Variants in FSTL5 observed in about 807,000 individuals in gnomAD.
FSTL5 encodes follistatin like 5, also known as follistatin-related protein 5.
FSTL5 carries 62 observed loss-of-function variants against 89.1 expected under a neutral mutation model. That is an observed-to-expected ratio of 0.70 (90% CI 0.57 to 0.86). The LOEUF (loss-of-function observed/expected upper bound fraction) is 0.86, where lower values mean the gene tolerates loss of function less well. FSTL5 is among the 40% of genes least tolerant of loss of function. FSTL5 has a pLI of 0.00. For missense variants in FSTL5, 1,057 were observed against 1,001.6 expected (o/e 1.06, Z -0.75); for synonymous variants, 383 against 346.2 (o/e 1.11, Z -1.18).
intron 15 of FSTL5, among the ~76,000 whole-genome samples, chr4:161,433,175 C>A (rs940418523): frequency 6.7e-6 from 1 of 149,994 alleles, no homozygotes; most frequent in Non-Finnish European, 1.5e-5. Flanking sequence ...TAAAAATCCT[C>A]AATGAAATAT....
intron 2 of FSTL5, among the ~76,000 whole-genome samples, chr4:162,064,471 T>C (rs1409094658): frequency 6.6e-6 from 1 of 152,032 alleles, no homozygotes; most frequent in Admixed American, 6.6e-5. Context: ...ATCCAAATAA[T>C]TGAAGACATG....
chr4:161,909,201 A>G (rs1359181916), intron 4 of FSTL5, among the ~76,000 whole-genome samples: 2 of 152,140 alleles, frequency 1.3e-5, no homozygotes, highest in Admixed American at 1.3e-4. Flanking sequence ...TGGTCCATAC[A>G]TAAGCTGAGG....
At chr4:162,144,221 G>A (rs995417885) in intron 1 of FSTL5, among the ~76,000 whole-genome samples, 2 of 152,122 alleles carry the variant, frequency 1.3e-5, no homozygotes, top group Admixed American at 6.6e-5. Flanking sequence ...TTTCAAGCAT[G>A]TACGCAAGGA....
At chr4:162,015,314 T>G (rs770598200) in intron 3 of FSTL5, among the ~76,000 whole-genome samples, 1 of 152,210 alleles carries the variant, frequency 6.6e-6, no homozygotes, top group Non-Finnish European at 1.5e-5. Context: ...TAGTTTTGCT[T>G]ATCATTCCAG....
rs188044559 is a variant in FSTL5 at position 162,083,480 on chromosome 4, C to T, written c.126+27791G>A. Among the ~76,000 whole-genome samples the T allele has an allele frequency of 7.6e-4, 115 of 151,414 alleles. 2 individuals are homozygous for T. The East Asian group carries it at 0.017, about 23-fold the overall frequency. On this transcript the variant is annotated intron_variant, in intron 2 of 15. Transcript: ENST00000306100. The stretch of plus-strand genomic sequence containing the variant: ...CAGAGTTTAGGGTTAGATAAATATA[C>T]GTTTTTCATTAAAAAAGTTTTTGCA...
At chr4:161,977,639 A>AAAAAAATAAT (rs1553988132) in intron 3 of FSTL5, among the ~76,000 whole-genome samples, 2 of 101,236 alleles carry the variant, frequency 2.0e-5, no homozygotes, top group Non-Finnish European at 3.8e-5. Context: ...AAAAAAAAAA[A>AAAAAAATAAT]AATAATAATA....
At chr4:162,077,838 T>G (rs112086374) in intron 2 of FSTL5, among the ~76,000 whole-genome samples, 5 of 151,756 alleles carry the variant, frequency 3.3e-5, no homozygotes, top group African/African-American at 1.2e-4. Flanking sequence ...ATACTGAGAG[T>G]TCTAAAGTTT....
At chr4:161,636,388 T>A (rs527422340) in intron 7 of FSTL5, among the ~76,000 whole-genome samples, 1 of 151,600 alleles carries the variant, frequency 6.6e-6, no homozygotes, top group African/African-American at 2.4e-5. Flanking sequence ...ACATTATCCA[T>A]AATCTCTTGC....
chr4:161,513,948 T>C (rs1217231854), intron 10 of FSTL5, among the ~76,000 whole-genome samples: 1 of 152,094 alleles, frequency 6.6e-6, no homozygotes, highest in East Asian at 1.9e-4. Flanking sequence ...CATTTACCTA[T>C]GTAACAAATC....
At chr4:161,986,500 C>T (rs1267915591) in intron 3 of FSTL5, among the ~76,000 whole-genome samples, 1 of 152,008 alleles carries the variant, frequency 6.6e-6, no homozygotes, top group Admixed American at 6.6e-5. Context: ...TGCAGTGAGC[C>T]GAGATTGTGC....
chr4:161,525,680 C>T (rs1329666251), intron 10 of FSTL5, among the ~76,000 whole-genome samples: 4 of 152,126 alleles, frequency 2.6e-5, no homozygotes, highest in Non-Finnish European at 5.9e-5. Flanking sequence ...ACATTGCTGG[C>T]TCTCAAGGCA....
At chr4:161,945,141 G>A (rs897873196) in intron 3 of FSTL5, among the ~76,000 whole-genome samples, 1 of 151,992 alleles carries the variant, frequency 6.6e-6, no homozygotes, top group Non-Finnish European at 1.5e-5. Flanking sequence ...TATTTGCACT[G>A]GCTATCAGCC....
chr4:161,800,373 C>A (rs1452021268), intron 4 of FSTL5, among the ~76,000 whole-genome samples: 1 of 151,816 alleles, frequency 6.6e-6, no homozygotes, highest in East Asian at 1.9e-4. Flanking sequence ...ACTACAGCAA[C>A]TGTCACTGTC....
intron 4 of FSTL5, among the ~76,000 whole-genome samples, chr4:161,899,934 C>CGGGTT (rs1733297652): frequency 6.6e-6 from 1 of 152,150 alleles, no homozygotes; most frequent in Non-Finnish European, 1.5e-5. Context: ...GTGGCTCACT[C>CGGGTT]CTGTAATACC....
chr4:162,027,287 T>C (rs976907138), intron 3 of FSTL5, among the ~76,000 whole-genome samples: 1 of 152,128 alleles, frequency 6.6e-6, no homozygotes, highest in Non-Finnish European at 1.5e-5. Flanking sequence ...CATTGAGATC[T>C]ATACTACTTG....
chr4:161,965,194 A>C (rs927499183), intron 3 of FSTL5, among the ~76,000 whole-genome samples: 1 of 152,186 alleles, frequency 6.6e-6, no homozygotes. Context: ...TTCAATATCC[A>C]TGACCTGTTT....
At chr4:161,484,046 C>A (rs1025549524) in intron 12 of FSTL5, among the ~76,000 whole-genome samples, 48 of 152,046 alleles carry the variant, frequency 3.2e-4, no homozygotes, top group African/African-American at 1.1e-3. Flanking sequence ...AGTTATATCA[C>A]TACTGATGGT....
At chr4:161,402,416 T>C (rs573867127) in intron 15 of FSTL5, among the ~76,000 whole-genome samples, 1 of 152,278 alleles carries the variant, frequency 6.6e-6, no homozygotes, top group African/African-American at 2.4e-5. Flanking sequence ...AGGATCTGAG[T>C]AGTGCATTTT....
intron 7 of FSTL5, among the ~76,000 whole-genome samples, chr4:161,610,522 G>T (rs1734596652): frequency 2.6e-5 from 4 of 152,134 alleles, no homozygotes; most frequent in African/African-American, 7.2e-5. Flanking sequence ...TGTGGTGATT[G>T]CATGACCAAG....
Sources: allele counts gnomAD v4.1 joint callset (sites outside exome capture counted in the v4.1 genomes callset), GRCh38; gene constraint gnomAD v4.1.1; transcripts MANE v1.5; gene names NCBI Gene and HGNC (gene_info 2026-07-23, HGNC 2026-07-21).